The following TNN variants were observed in gnomAD, a reference collection of about 807,000 sequenced individuals.
TNN encodes the protein tenascin N.
Under a neutral mutation model 134.4 loss-of-function variants are expected in TNN, and 122 were observed. The ratio of observed to expected loss-of-function variants is 0.91; its 90% CI spans 0.78 to 1.06. The LOEUF is 1.06. Among genes scored for constraint, TNN ranks in the 50% least tolerant of loss-of-function variants. TNN has a pLI of 0.00. For missense variants in TNN, 1,739 were observed against 1,699.4 expected (o/e 1.02, Z -0.41); for synonymous variants, 710 against 670.3 (o/e 1.06, Z -0.91).
intron 4 of TNN, 57 bp downstream of exon 4, chr1:175,080,483 T>G: frequency 6.2e-7 from 1 of 1,600,016 alleles, no homozygotes; most frequent in Non-Finnish European, 8.5e-7. Flanking sequence ...TCTAAATGGT[T>G]TCTTTCATTA....
chr1:175,134,409 G>T (rs1339746218), intron 15 of TNN, among the ~76,000 whole-genome samples: 1 of 152,012 alleles, frequency 6.6e-6, no homozygotes, highest in Non-Finnish European at 1.5e-5. Context: ...GCCGGGCATG[G>T]TGGTGTGTGC....
chr1:175,133,386 A>G (rs1346787936), intron 15 of TNN, among the ~76,000 whole-genome samples: 4 of 152,150 alleles, frequency 2.6e-5, no homozygotes, highest in Admixed American at 6.5e-5. Flanking sequence ...TTCTGTCCAT[A>G]TCTCACACTG....
chr1:175,093,224 T>G (rs1674493686), intron 6 of TNN, among the ~76,000 whole-genome samples: 1 of 152,220 alleles, frequency 6.6e-6, no homozygotes, highest in African/African-American at 2.4e-5. Flanking sequence ...TTGCTGTTGC[T>G]TGAACACATG....
At chr1:175,126,876 A>T in intron 12 of TNN, 79 bp from the exon 13 acceptor site, 1 of 1,488,216 alleles carries the variant, frequency 6.7e-7, no homozygotes, top group East Asian at 2.3e-5. Flanking sequence ...AAAAGGGGAA[A>T]ATATAAACTG....
chr1:175,147,486 G>C lies in TNN; in HGVS notation c.*415G>C, dbSNP rs1380469195. On this transcript the variant is annotated 3_prime_UTR_variant, in exon 19 of 19. Transcript: ENST00000239462. Reference sequence around the variant, plus strand: ...ACAGAGGAGGAGTTCTGATGACCCAGGGGTTAGGGCTGAGACAACCGGACG... The same window carrying C: ...ACAGAGGAGGAGTTCTGATGACCCACGGGTTAGGGCTGAGACAACCGGACG... The C allele has an allele frequency of 1.3e-5, 2 of 155,294 alleles. No individual in the cohort carries two copies. Among genetic ancestry groups the C allele is most frequent in the Non-Finnish European group, 2.8e-5 (2 of 70,292 alleles). The allele number at this position is 155,294 out of a possible 1,614,324, so 9.6% of individuals were successfully genotyped here. A position where few individuals can be genotyped will look rare whatever the true frequency, so the allele number is the denominator to read the frequency against.
chr1:175,132,802 G>T (rs192744846), intron 15 of TNN, among the ~76,000 whole-genome samples: 84 of 152,326 alleles, frequency 5.5e-4, no homozygotes, highest in African/African-American at 1.9e-3. Context: ...CCACTCCTTG[G>T]CCAGCAGACA....
intron 17 of TNN, among the ~76,000 whole-genome samples, chr1:175,138,422 C>T (rs1675869172): frequency 6.6e-6 from 1 of 151,932 alleles, no homozygotes; most frequent in Admixed American, 6.6e-5. Flanking sequence ...AAATAAGTTC[C>T]ATAGGGGTGA....
chr1:175,109,703 T>G (rs995971354), intron 9 of TNN, among the ~76,000 whole-genome samples: 8 of 149,274 alleles, frequency 5.4e-5, no homozygotes, highest in Non-Finnish European at 7.4e-5. Flanking sequence ...ACATATGTAT[T>G]ATATATATAC....
intron 9 of TNN, among the ~76,000 whole-genome samples, chr1:175,099,479 G>A (rs1271626251): frequency 6.6e-6 from 1 of 151,330 alleles, no homozygotes; most frequent in Non-Finnish European, 1.5e-5. Flanking sequence ...GGGTCAGGAA[G>A]AGGAGAGATG....
At chr1:175,095,124 T>C (rs1301568137) in intron 7 of TNN, among the ~76,000 whole-genome samples, 1 of 152,214 alleles carries the variant, frequency 6.6e-6, no homozygotes, top group African/African-American at 2.4e-5. Flanking sequence ...TTTTTTAGAA[T>C]GTTAATCAGT....
chr1:175,109,070 G>GTTT (rs1338891175), intron 9 of TNN, among the ~76,000 whole-genome samples: 5 of 88,338 alleles, frequency 5.7e-5, no homozygotes, highest in African/African-American at 2.4e-4. Context: ...CTATCTAACT[G>GTTT]TATTTTTTTT....
At position 175,094,099 on chromosome 1, in the gene TNN, T is replaced by C; in HGVS notation, c.1434T>C (p.Thr478=). The C allele has an allele frequency of 3.7e-6, 6 of 1,614,192 alleles. No individual in the cohort carries two copies. Among genetic ancestry groups the C allele is most frequent in the Non-Finnish European group, 5.1e-6 (6 of 1,180,026 alleles). The change falls in exon 7 of 19, where the codon ACT becomes ACC. Residue 478 remains threonine (T), a synonymous_variant. Transcript: ENST00000239462. ...TAGACAAGTATGTAGTGCGCTACAC[T>C]TCTGCTGATGGGGACACCAAGGAAA... ...AVIDKYVVRY[T]SADGDTKEMA...
intron 13 of TNN, among the ~76,000 whole-genome samples, chr1:175,127,830 G>A (rs1412905668): frequency 6.6e-6 from 1 of 152,210 alleles, no homozygotes; most frequent in African/African-American, 2.4e-5. Context: ...TCCCAGTAGT[G>A]CTGACTCTCC....
At position 175,137,357 on chromosome 1, in the gene TNN, C is replaced by A. The variant is rs549215667; in HGVS notation, c.3595+369C>A. ...GCAGTGTGGCTGTCATCTTTGTCTG[C>A]ACAGTAGTGTGTGTGTGTGTGTGTG... On this transcript the variant is annotated intron_variant, in intron 17 of 18. Coordinates refer to ENST00000239462, the MANE Select transcript of TNN (RefSeq NM_022093.2). Among the ~76,000 whole-genome samples the A allele has an allele frequency of 7.1e-5, 6 of 84,680 alleles. No individual in the cohort carries two copies. In the South Asian group the frequency reaches 2.0e-3, roughly 28 times the overall value. 55.6% of individuals were successfully genotyped at this position (84,680 alleles called of 152,430 possible). A position where few individuals can be genotyped will look rare whatever the true frequency, so the allele number is the denominator to read the frequency against.
intron 12 of TNN, among the ~76,000 whole-genome samples, chr1:175,124,772 G>T (rs1426076710): frequency 2.0e-5 from 3 of 152,206 alleles, no homozygotes; most frequent in Non-Finnish European, 4.4e-5. Flanking sequence ...GATGCAACCA[G>T]TAGCCAGTTC....
At chr1:175,112,598 CTTTTT>C (rs767531767) in intron 9 of TNN, among the ~76,000 whole-genome samples, 5 of 21,970 alleles carry the variant, frequency 2.3e-4, no homozygotes, top group Admixed American at 8.2e-4. Context: ...GCCGGCCGAT[CTTTTT>C]TTTTTTTTTT....
intron 12 of TNN, among the ~76,000 whole-genome samples, chr1:175,124,058 T>G (rs1178269504): frequency 6.6e-6 from 1 of 152,184 alleles, no homozygotes; most frequent in African/African-American, 2.4e-5. Flanking sequence ...CAGTTGATGA[T>G]GAAAGGTGCC....
Position 175,098,591 on chromosome 1 carries a change from G to A in TNN, c.2115G>A (p.Gln705=), listed in dbSNP as rs1195379417. Residue 705 remains glutamine (Q), a synonymous_variant, in exon 9 of 19, where the codon CAG becomes CAA. Transcript: ENST00000239462. The part of the protein sequence containing the change: ...QESKKADTKA[Q]TDIDSPQNLV... Reference sequence around the variant, plus strand: ...GCAAGAAGGCCGACACCAAGGCCCAGACAGGTAAGGAGTGTGCATTATTGC... The same window carrying A: ...GCAAGAAGGCCGACACCAAGGCCCAAACAGGTAAGGAGTGTGCATTATTGC... 6.2e-6 allele frequency: 10 copies of A among 1,614,062 alleles called. No homozygotes were observed. The South Asian group carries it at 6.6e-5, about 11-fold the overall frequency.
chr1:175,099,683 G>A (rs996784954), intron 9 of TNN, among the ~76,000 whole-genome samples: 1 of 152,126 alleles, frequency 6.6e-6, no homozygotes, highest in Non-Finnish European at 1.5e-5. Context: ...GAAGGGTCAA[G>A]AGAGAATAGA....
Sources: allele counts gnomAD v4.1 joint callset (sites outside exome capture counted in the v4.1 genomes callset), GRCh38; gene constraint gnomAD v4.1.1; transcripts MANE v1.5; gene names NCBI Gene and HGNC (gene_info 2026-07-23, HGNC 2026-07-21).